KCNT1: variants seen among roughly 807,000 people sequenced by gnomAD.
KCNT1 encodes potassium channel subfamily T member 1.
Under a neutral mutation model 147.8 loss-of-function variants are expected in KCNT1, and 78 were observed. The ratio of observed to expected loss-of-function variants is 0.53; its 90% CI spans 0.44 to 0.64. The LOEUF is 0.64. Among genes scored for constraint, KCNT1 ranks in the 30% least tolerant of loss-of-function variants. The pLI is 0.00. For synonymous variants in KCNT1, 867 were observed against 748.8 expected, an observed-to-expected ratio of 1.16 and a Z score of -2.58; for missense variants, 1,419 against 1,750.3, an observed-to-expected ratio of 0.81 and a Z score of 3.38.
In KCNT1 at chr9:135,768,559, C is replaced by T. The variant is rs530213541; in HGVS notation, c.1338-51C>T. 18 of 1,479,640 alleles carry T rather than the reference C, an allele frequency of 1.2e-5. No homozygotes were observed. The Admixed American group carries it at 2.4e-4, about 20-fold the overall frequency. The allele number at this position is 1,479,640 out of a possible 1,614,324, so 91.7% of individuals were successfully genotyped here. ...CACCTCACCTCCGCACCCCCGGCTG[C>T]ACTGCCCACCTCCCCTGCTCCACCC... On this transcript the variant is annotated intron_variant, in intron 13 of 30. Coordinates refer to ENST00000371757, the MANE Select transcript of KCNT1 (RefSeq NM_020822.3).
At chr9:135,777,737 A>ACACCCACTCCTGCTCCCAGCTCCTCCCCC (rs1833274998) in intron 21 of KCNT1, among the ~76,000 whole-genome samples, 1 of 78,114 alleles carries the variant, frequency 1.3e-5, no homozygotes, top group Non-Finnish European at 2.7e-5. Flanking sequence ...GCTCCTCCCC[A>ACACCCACTCCTGCTCCCAGCTCCTCCCCC]CCCCCAGCTC....
rs1023028239 is a variant in KCNT1, at chr9:135,714,520, G to A, written c.111-57G>A. The A allele has an allele frequency of 4.0e-6, 4 of 990,354 alleles. No individual in the cohort carries two copies. The highest frequency in any genetic ancestry group is 3.6e-6 in the Non-Finnish European group (3 of 832,756). 61.3% of individuals were successfully genotyped at this position (990,354 alleles called of 1,614,324 possible). On this transcript the variant is annotated intron_variant, in intron 1 of 30. Transcript: ENST00000371757. This position sits in a 1 kb window ranked among gnomAD's most constrained non-coding sequence, Gnocchi z 6.2. ...GGCCGGGCCTGGCGGGCCGGGGGCT[G>A]CGCGCGTCCGCGAGGGCGCCCGACG...
In KCNT1 at chr9:135,769,853, A is replaced by G. The variant is rs1832622636; in HGVS notation, c.1511-94A>G. Reference sequence around the variant, plus strand: ...ACACGGGGGTGCCAGGCAAGGGTGCATCTGCATAGCACCTTCAGGAAGTGA... The same window carrying G: ...ACACGGGGGTGCCAGGCAAGGGTGCGTCTGCATAGCACCTTCAGGAAGTGA... On this transcript the variant is annotated intron_variant, in intron 15 of 30. Coordinates refer to ENST00000371757, the MANE Select transcript of KCNT1 (RefSeq NM_020822.3). The G allele has an allele frequency of 1.3e-5, 11 of 874,254 alleles. No homozygotes were observed. In the East Asian group the frequency reaches 2.7e-4, roughly 21 times the overall value. The allele number at this position is 874,254 out of a possible 1,614,324, so 54.2% of individuals were successfully genotyped here.
At chr9:135,776,385 G>A (rs144245941) in intron 20 of KCNT1, among the ~76,000 whole-genome samples, 4,338 of 151,998 alleles carry the variant, frequency 0.029, 81 homozygotes, top group Middle Eastern at 0.1. Context: ...AGCCTCCCAA[G>A]TGGCTGGGAA....
intron 18 of KCNT1, 56 bp from the exon 19 acceptor site, chr9:135,772,659 C>T (rs1294386361): frequency 1.8e-5 from 23 of 1,294,240 alleles, no homozygotes; most frequent in African/African-American, 3.1e-5. Context: ...TCTGGGAACT[C>T]GCCGCCCATG....
At chr9:135,738,450 C>T (rs973560276) in intron 2 of KCNT1, among the ~76,000 whole-genome samples, 1 of 146,026 alleles carries the variant, frequency 6.8e-6, no homozygotes, top group African/African-American at 2.5e-5. Context: ...GTGGATCTCA[C>T]GGAAAACACA....
chr9:135,760,368 G>A (rs1462258322), intron 11 of KCNT1, among the ~76,000 whole-genome samples: 2 of 152,196 alleles, frequency 1.3e-5, no homozygotes, highest in Admixed American at 6.5e-5. Context: ...GCTGCCTCAG[G>A]GTGTGAAGTG....
intron 18 of KCNT1, among the ~76,000 whole-genome samples, chr9:135,772,297 G>A (rs1832812874): frequency 6.6e-6 from 1 of 152,174 alleles, no homozygotes; most frequent in South Asian, 2.1e-4. Flanking sequence ...GGGTGGTGCA[G>A]GAGTGGCAGA....
rs1831125430 is a variant in KCNT1, at chr9:135,750,964, C to A, written c.357C>A (p.Asn119Lys). ...QRSSLRIRLF[N>K]FSLKLLTCLL... The stretch of plus-strand genomic sequence containing the variant: ...CAGGCCTGAGGATCCGGCTGTTCAA[C>A]TTCTCCCTGAAGCTGCTCACCTGCC... Residue 119 changes from asparagine (N) to lysine (K), a missense_variant, in exon 4 of 31, where the codon AAC (asparagine) becomes AAA (lysine). By Grantham distance (94) the Asn-to-Lys change is moderately conservative (BLOSUM62 0). Transcript: ENST00000371757. 1 of 1,613,278 alleles carries A rather than the reference C, an allele frequency of 6.2e-7. No homozygotes were observed. The highest frequency in any genetic ancestry group is 1.7e-5 in the Admixed American group (1 of 60,020).
chr9:135,714,589 G>C lies in KCNT1; in HGVS notation c.123G>C (p.Ala41=), dbSNP rs1352859989. The change falls in exon 2 of 31, where the codon GCG becomes GCC. Residue 41 remains alanine, a synonymous_variant. Transcript: ENST00000371757. The surrounding 1 kb of genome is among the most constrained non-coding windows in gnomAD (Gnocchi z 6.2). ...DGQCAPRRPC[A]GDGALLDTAG... ...CGTGTGCCCGCAGGCGGCCCTGCGC[G>C]GGGGACGGCGCGCTCCTGGACACCG... The C allele has an allele frequency of 1.5e-6, 2 of 1,378,784 alleles. No individual in the cohort carries two copies. The highest frequency in any genetic ancestry group is 1.5e-5 in the African/African-American group (1 of 65,888). The allele number at this position is 1,378,784 out of a possible 1,614,324, so 85.4% of individuals were successfully genotyped here.
At chr9:135,722,115 G>T (rs1564319825) in intron 2 of KCNT1, among the ~76,000 whole-genome samples, 1 of 152,164 alleles carries the variant, frequency 6.6e-6, no homozygotes, top group African/African-American at 2.4e-5. Flanking sequence ...CTGGCTGTGG[G>T]GGCATGGAGG....
rs1835645378 is a variant in KCNT1 at position 135,714,644 on chromosome 9, G to A, written c.178G>A (p.Glu60Lys). ...CTTCAAGATGAGCGACCTGGACTCC[G>A]AGGTGCTGCCCTTGCCGCCGCGCTA... The part of the protein sequence containing the change: ...AGFKMSDLDS[E>K]VLPLPPRYRF... Residue 60 changes from glutamate to lysine, a missense_variant, in exon 2 of 31, where the codon GAG becomes AAG. Transcript: ENST00000371757. This position sits in a 1 kb window ranked among gnomAD's most constrained non-coding sequence, Gnocchi z 6.2. 1.4e-6 allele frequency: 2 copies of A among 1,480,288 alleles called. No individual in the cohort carries two copies. The highest frequency in any genetic ancestry group is 1.2e-5 in the South Asian group (1 of 82,468). The allele number at this position is 1,480,288 out of a possible 1,614,324, so 91.7% of individuals were successfully genotyped here. A position where few individuals can be genotyped will look rare whatever the true frequency, so the allele number is the denominator to read the frequency against.
chr9:135,712,688 T>C (rs1397390385), intron 1 of KCNT1, among the ~76,000 whole-genome samples: 1 of 152,130 alleles, frequency 6.6e-6, no homozygotes, highest in Non-Finnish European at 1.5e-5. Flanking sequence ...AGAGACCCTG[T>C]AGCCCCGGCC....
At position 135,757,381 on chromosome 9, in the gene KCNT1, T is replaced by C; in HGVS notation, c.759T>C (p.Ile253=). Residue 253 remains isoleucine (I), a splice_region_variant and synonymous_variant, in exon 9 of 31, where the codon ATT becomes ATC. Transcript: ENST00000371757. The stretch of plus-strand genomic sequence containing the variant: ...CCAAGCACGCGCTGGAAAACATGAT[T>C]GTAAGCCGGGGCGGGGGGTGCAGCT... ...WLAKHALENM[I]NDFHRAILRT... 3.7e-6 allele frequency: 6 copies of C among 1,606,628 alleles called. No individual in the cohort carries two copies. The highest frequency in any genetic ancestry group is 5.1e-6 in the Non-Finnish European group (6 of 1,179,232).
At chr9:135,757,742 T>C (rs1005191099) in intron 9 of KCNT1, among the ~76,000 whole-genome samples, 3 of 152,020 alleles carry the variant, frequency 2.0e-5, no homozygotes, top group Admixed American at 2.0e-4. Flanking sequence ...AGGCAGGCCC[T>C]GTGCTGAGCA....
chr9:135,739,731 C>G (rs971864900), intron 2 of KCNT1, among the ~76,000 whole-genome samples: 2 of 152,138 alleles, frequency 1.3e-5, no homozygotes, highest in South Asian at 2.1e-4. Context: ...GGCTTTGCCC[C>G]GCTCCGGGCT....
rs748942066 is a variant in KCNT1 at position 135,784,781 on chromosome 9, C to T, written c.3048C>T (p.Asp1016=). The change falls in exon 27 of 31, where the codon GAC becomes GAT. Residue 1016 remains aspartate (D), a synonymous_variant. Transcript: ENST00000371757. ...YLCAMKITEG[D]LWIRTYGRLF... ...TGCAGATGAAAATCACCGAGGGCGA[C>T]CTGTGGATCCGCACGTACGGCCGCC... 5 of 1,612,588 alleles carry T rather than the reference C, an allele frequency of 3.1e-6. No homozygotes were observed. The highest frequency in any genetic ancestry group is 4.2e-6 in the Non-Finnish European group (5 of 1,179,944).
chr9:135,771,676 C>T (rs1832773377), intron 18 of KCNT1, among the ~76,000 whole-genome samples: 1 of 152,248 alleles, frequency 6.6e-6, no homozygotes, highest in African/African-American at 2.4e-5. Flanking sequence ...CTTCAGGGAT[C>T]CTCCCGGGGA....
At chr9:135,704,907 C>T (rs1835186488) in intron 1 of KCNT1, among the ~76,000 whole-genome samples, 1 of 152,228 alleles carries the variant, frequency 6.6e-6, no homozygotes, top group Non-Finnish European at 1.5e-5. Context: ...ACAGGGAACT[C>T]AGGGGTCTGC....
Sources: gnomAD v4.1 joint callset for allele counts (sites outside exome capture counted in the v4.1 genomes callset) on GRCh38, gnomAD v4.1.1 for gene constraint, Gnocchi (gnomAD v3.1) non-coding constraint, MANE v1.5 for transcripts, NCBI Gene and HGNC (gene_info 2026-07-23, HGNC 2026-07-21) for gene names.